The following FBXO42 variants were observed in gnomAD, a reference collection of about 807,000 sequenced individuals.
The protein encoded by FBXO42 is F-box only protein 42.
Under a neutral mutation model 71.7 loss-of-function variants are expected in FBXO42, and 12 were observed. That is an observed-to-expected ratio of 0.17 (90% confidence interval 0.11 to 0.27). FBXO42 has a LOEUF of 0.27. FBXO42 is among the 10% of genes least tolerant of loss of function. The pLI is 1.00. For synonymous variants in FBXO42, 325 were observed against 327.5 expected (o/e 0.99, Z 0.08); for missense variants, 707 against 911.9 (o/e 0.78, Z 2.89).
rs71574176 is a variant in FBXO42 at position 16,338,376 on chromosome 1, A to AG, written c.-18+13878dup. 7.0e-5 allele frequency among the ~76,000 whole-genome samples: 10 copies of AG among 143,412 alleles called. No homozygotes were observed. The East Asian group carries it at 2.0e-3, about 29-fold the overall frequency. 94.1% of individuals were successfully genotyped at this position (143,412 alleles called of 152,430 possible). Reference sequence around the variant, plus strand: ...CTCCAAAAAAAAAAAAAAAAAAAAAAGAATAACAATGTTGCATGACATCTT... The same window carrying AG: ...CTCCAAAAAAAAAAAAAAAAAAAAAAGGAATAACAATGTTGCATGACATCTT... On this transcript the variant is annotated intron_variant, in intron 1 of 9. Transcript: ENST00000375592.
In FBXO42 at chr1:16,335,533, G is replaced by A. The variant is rs576065774; in HGVS notation, c.-18+16722C>T. Among the ~76,000 whole-genome samples the A allele has an allele frequency of 3.9e-5, 6 of 151,922 alleles. No individual in the cohort carries two copies. In the East Asian group the frequency reaches 5.8e-4, roughly 15 times the overall value. ...CCTTCTTCAATCTATTCTTTATTTC[G>A]CTGTAGTATTAAACTTCATGATGCA... On this transcript the variant is annotated intron_variant, in intron 1 of 9. Coordinates refer to ENST00000375592, the MANE Select transcript of FBXO42 (RefSeq NM_018994.3).
At chr1:16,256,497 C>T in intron 5 of FBXO42, 109 bp downstream of exon 5, 2 of 1,202,882 alleles carry the variant, frequency 1.7e-6, no homozygotes, top group South Asian at 3.0e-5. Flanking sequence ...GAAAAGAGTC[C>T]ACAGCTTTCC....
At chr1:16,350,030 C>G (rs1295698766) in intron 1 of FBXO42, among the ~76,000 whole-genome samples, 1 of 152,104 alleles carries the variant, frequency 6.6e-6, no homozygotes, top group African/African-American at 2.4e-5. Flanking sequence ...AGGTAGGACT[C>G]ACCCTGCTCT....
chr1:16,259,165 C>A (rs1305580691), intron 4 of FBXO42, among the ~76,000 whole-genome samples: 1 of 152,146 alleles, frequency 6.6e-6, no homozygotes, highest in African/African-American at 2.4e-5. Context: ...TGTTCCTGGT[C>A]AAAAACATTT....
At chr1:16,321,894 C>T (rs558276203) in intron 1 of FBXO42, among the ~76,000 whole-genome samples, 30 of 152,222 alleles carry the variant, frequency 2.0e-4, no homozygotes, top group African/African-American at 6.7e-4. Flanking sequence ...TTAGGCCAGG[C>T]GTGGTGGCTC....
chr1:16,262,942 T>A (rs1395771384), intron 4 of FBXO42, among the ~76,000 whole-genome samples: 1 of 150,294 alleles, frequency 6.7e-6, no homozygotes, highest in Non-Finnish European at 1.5e-5. Context: ...AACTCCTGGA[T>A]TCAAGCAATC....
At chr1:16,312,294 G>A (rs770354625) in intron 2 of FBXO42, among the ~76,000 whole-genome samples, 1 of 152,028 alleles carries the variant, frequency 6.6e-6, no homozygotes, top group Non-Finnish European at 1.5e-5. Flanking sequence ...CCCGGGAGAC[G>A]GAGGTTGCAG....
intron 1 of FBXO42, among the ~76,000 whole-genome samples, chr1:16,334,430 A>C (rs1029352809): frequency 1.1e-4 from 16 of 151,890 alleles, no homozygotes; most frequent in South Asian, 6.2e-4. Flanking sequence ...AAAAAAAAAA[A>C]AAAAAAAAAA....
At chr1:16,352,171 C>T (rs1388789384) in intron 1 of FBXO42, 84 bp downstream of exon 1, 1 of 391,690 alleles carries the variant, frequency 2.6e-6, no homozygotes, top group African/African-American at 2.1e-5. Flanking sequence ...ACCCCGGGCG[C>T]CCGCTGCCCC....
At chr1:16,262,145 C>T (rs949326601) in intron 4 of FBXO42, among the ~76,000 whole-genome samples, 27 of 152,154 alleles carry the variant, frequency 1.8e-4, no homozygotes, top group African/African-American at 6.3e-4. Context: ...CTCCTACTTC[C>T]ATTATTTCTA....
Position 16,251,744 on chromosome 1 carries a change from C to A in FBXO42, c.1080G>T (p.Gly360=), listed in dbSNP as rs376207072. ...TCAAACTGGGGCTGAGTGGGGCTCT[C>A]CCACTAGGAGCCTGGCTGAAGACCA... The part of the protein sequence containing the change: ...CVVVFSQAPS[G]RAPLSPSLNS... The change falls in exon 10 of 10, where the codon GGG becomes GGT. Residue 360 remains glycine, a synonymous_variant. Transcript: ENST00000375592. The surrounding 1 kb of genome is among the most constrained non-coding windows in gnomAD (Gnocchi z 4.5). 1 of 1,614,004 alleles carries A rather than the reference C, an allele frequency of 6.2e-7. No individual in the cohort carries two copies. The highest frequency in any genetic ancestry group is 8.5e-7 in the Non-Finnish European group (1 of 1,180,024).
intron 1 of FBXO42, among the ~76,000 whole-genome samples, chr1:16,336,302 C>T (rs747472038): frequency 2.6e-5 from 4 of 151,762 alleles, no homozygotes; most frequent in Non-Finnish European, 4.4e-5. Context: ...GCCAAATGAT[C>T]GTAATATTCT....
In FBXO42 at chr1:16,252,455, AACACAC is replaced by A. The variant is rs370270945; in HGVS notation, c.922-57_922-52del. On this transcript the variant is annotated intron_variant, in intron 8 of 9. Coordinates refer to ENST00000375592, the MANE Select transcript of FBXO42 (RefSeq NM_018994.3). The surrounding 1 kb of genome is among the most constrained non-coding windows in gnomAD (Gnocchi z 4.4). ...GACTCAGGTGTGATATGCGTTCCAA[AACACAC>A]ACACACAGAGTTGCAGTCTCAAAGC... is the stretch of plus-strand genomic sequence containing the variant. The A allele has an allele frequency of 7.4e-7, 1 of 1,351,158 alleles. No individual in the cohort carries two copies. 83.7% of individuals were successfully genotyped at this position (1,351,158 alleles called of 1,614,324 possible). A position where few individuals can be genotyped will look rare whatever the true frequency, so the allele number is the denominator to read the frequency against.
chr1:16,313,091 G>A (rs769918403), intron 2 of FBXO42, among the ~76,000 whole-genome samples: 29 of 151,834 alleles, frequency 1.9e-4, no homozygotes, highest in Non-Finnish European at 3.2e-4. Context: ...CACTGTGTCC[G>A]CTCAGAGGAA....
intron 1 of FBXO42, among the ~76,000 whole-genome samples, chr1:16,324,186 G>A (rs893185293): frequency 6.6e-5 from 10 of 151,984 alleles, no homozygotes; most frequent in Non-Finnish European, 1.0e-4. Context: ...ACCTTACTCC[G>A]TGCATTCAAC....
Position 16,252,303 on chromosome 1 carries a change from G to A in FBXO42, c.1023C>T (p.Cys341=). Residue 341 remains cysteine (C), a synonymous_variant, in exon 9 of 10, where the codon TGC becomes TGT. Transcript: ENST00000375592. This position sits in a 1 kb window ranked among gnomAD's most constrained non-coding sequence, Gnocchi z 4.4. The part of the protein sequence containing the change: ...NEEHGAPELW[C]HPACRVGQCV... ...CCCTGCTTACCCGGCAAGCTGGATG[G>A]CACCACAGTTCTGGGGCCCCATGCT... is the stretch of plus-strand genomic sequence containing the variant. 6.2e-7 allele frequency: 1 copy of A among 1,613,996 alleles called. No homozygotes were observed. Among genetic ancestry groups the A allele is most frequent in the Non-Finnish European group, 8.5e-7 (1 of 1,179,842 alleles).
chr1:16,334,654 G>A (rs952397104), intron 1 of FBXO42, among the ~76,000 whole-genome samples: 7 of 151,952 alleles, frequency 4.6e-5, no homozygotes, highest in Non-Finnish European at 7.4e-5. Context: ...CAGAATTCCC[G>A]ACAACACAAT....
Position 16,264,166 on chromosome 1 carries a change from A to G in FBXO42, c.503-7407T>C, listed in dbSNP as rs550486057. On this transcript the variant is annotated intron_variant, in intron 4 of 9. Coordinates refer to ENST00000375592, the MANE Select transcript of FBXO42 (RefSeq NM_018994.3). Reference sequence around the variant, plus strand: ...ATAAAATGTCAAGTAATGACTTTGAAGAACTGCCCGAATGTGCATGTAATT... The same window carrying G: ...ATAAAATGTCAAGTAATGACTTTGAGGAACTGCCCGAATGTGCATGTAATT... Among the ~76,000 whole-genome samples the G allele has an allele frequency of 1.2e-4, 19 of 152,202 alleles. 1 individual carries two copies. Among genetic ancestry groups the G allele is most frequent in the Admixed American group, 6.5e-5 (1 of 15,282 alleles).
At chr1:16,347,315 A>G (rs2082661751) in intron 1 of FBXO42, among the ~76,000 whole-genome samples, 2 of 151,756 alleles carry the variant, frequency 1.3e-5, no homozygotes, top group Admixed American at 1.3e-4. Context: ...CAGGAGTTCG[A>G]GAGTAGCCTG....
Sources: allele counts gnomAD v4.1 joint callset (sites outside exome capture counted in the v4.1 genomes callset), GRCh38; gene constraint gnomAD v4.1.1; non-coding constraint Gnocchi (gnomAD v3.1); transcripts MANE v1.5; gene names NCBI Gene and HGNC (gene_info 2026-07-23, HGNC 2026-07-21).